ADARB1: variants seen among roughly 807,000 people sequenced by gnomAD.
ADARB1 encodes double-stranded RNA-specific editase 1.
ADARB1 carries 10 observed loss-of-function variants against 52.4 expected under a neutral mutation model. The observed-to-expected ratio is 0.19, with a 90% CI of 0.12 to 0.32. The LOEUF (loss-of-function observed/expected upper bound fraction) is 0.32, where lower values mean the gene tolerates loss of function less well. Ranked by LOEUF, ADARB1 falls within the 10% of genes least tolerant of loss-of-function variation. ADARB1 has a pLI of 1.00. For synonymous variants in ADARB1, 349 were observed against 371.1 expected, an observed-to-expected ratio of 0.94 and a Z score of 0.68; for missense variants, 643 against 922.3, an observed-to-expected ratio of 0.70 and a Z score of 3.92.
rs1226222087 is a variant in ADARB1 at position 45,074,915 on chromosome 21, G to A, written c.-220+122G>A. ...GGGGCCGGAGCTGCGGGCCGTCCCG[G>A]GAGCGGAGGGCGCCCGCGGAGAAGC... On this transcript the variant is annotated intron_variant, in intron 1 of 10. Coordinates refer to ENST00000348831, the MANE Select transcript of ADARB1 (RefSeq NM_001112.4). The A allele has an allele frequency of 4.7e-5, 7 of 150,336 alleles. No individual in the cohort carries two copies. In the East Asian group the frequency reaches 1.2e-3, roughly 26 times the overall value. The allele number at this position is 150,336 out of a possible 1,614,324, so 9.3% of individuals were successfully genotyped here.
intron 1 of ADARB1, among the ~76,000 whole-genome samples, chr21:45,114,346 C>G (rs1486827232): frequency 6.6e-6 from 1 of 152,190 alleles, no homozygotes; most frequent in Non-Finnish European, 1.5e-5. Flanking sequence ...ACATACTTGT[C>G]CACAGAGACC....
chr21:45,185,554 T>TC (rs2092075443), intron 8 of ADARB1, among the ~76,000 whole-genome samples: 3 of 152,162 alleles, frequency 2.0e-5, no homozygotes, highest in Admixed American at 1.3e-4. Context: ...ACAGAGAGCA[T>TC]CCCCAGCCAT....
In ADARB1 at chr21:45,109,960, C is replaced by T. The variant is rs1454622960; in HGVS notation, c.-219-18442C>T. Reference sequence around the variant, plus strand: ...TGGAAAGCCACAAGTAGCGTGGGGGCTGCCTCTAGTCACGCTTCAGCTGCA... The same window carrying T: ...TGGAAAGCCACAAGTAGCGTGGGGGTTGCCTCTAGTCACGCTTCAGCTGCA... On this transcript the variant is annotated intron_variant, in intron 1 of 10. Coordinates refer to ENST00000348831, the MANE Select transcript of ADARB1 (RefSeq NM_001112.4). 2.0e-5 allele frequency among the ~76,000 whole-genome samples: 3 copies of T among 152,208 alleles called. No homozygotes were observed. The East Asian group carries it at 5.8e-4, about 29-fold the overall frequency.
chr21:45,139,065 C>T (rs891740275), intron 2 of ADARB1, among the ~76,000 whole-genome samples: 7 of 152,112 alleles, frequency 4.6e-5, no homozygotes, highest in African/African-American at 1.2e-4. Flanking sequence ...AGACTACAGG[C>T]GCATGCCACC....
intron 2 of ADARB1, among the ~76,000 whole-genome samples, chr21:45,159,291 A>C (rs920799366): frequency 2.6e-5 from 4 of 152,162 alleles, no homozygotes; most frequent in African/African-American, 9.7e-5. Flanking sequence ...AAAAAGTCAG[A>C]TCTCATGAGA....
At position 45,142,841 on chromosome 21, in the gene ADARB1, G is replaced by C. The variant is rs973738884; in HGVS notation, c.-48+14268G>C. On this transcript the variant is annotated intron_variant, in intron 2 of 10. Coordinates refer to ENST00000348831, the MANE Select transcript of ADARB1 (RefSeq NM_001112.4). The surrounding 1 kb of genome is among the most constrained non-coding windows in gnomAD (Gnocchi z 4.0). ...GGTAAGAAATTGCCTACGGCCCTTG[G>C]CTAATAGAAGAGGGAGCAGGGCTTT... is the stretch of plus-strand genomic sequence containing the variant. Among the ~76,000 whole-genome samples, 1 of 152,194 alleles carries C rather than the reference G, an allele frequency of 6.6e-6. No homozygotes were observed. The highest frequency in any genetic ancestry group is 2.4e-5 in the African/African-American group (1 of 41,444).
At chr21:45,133,160 T>G (rs1174587430) in intron 2 of ADARB1, among the ~76,000 whole-genome samples, 1 of 152,258 alleles carries the variant, frequency 6.6e-6, no homozygotes, top group Admixed American at 6.5e-5. Context: ...CCCCTGATTC[T>G]GTTCCTTGAA....
intron 3 of ADARB1, among the ~76,000 whole-genome samples, chr21:45,174,682 A>AATACATACATAC (rs59024130): frequency 4.9e-4 from 73 of 148,832 alleles, no homozygotes; most frequent in Middle Eastern, 3.4e-3. Flanking sequence ...CAGTCTCAAA[A>AATACATACATAC]ATACATACAT....
chr21:45,217,971 C>T (rs962443600), intron 9 of ADARB1, among the ~76,000 whole-genome samples: 1 of 152,076 alleles, frequency 6.6e-6, no homozygotes, highest in Non-Finnish European at 1.5e-5. Context: ...TCTGGGTTTG[C>T]TTAAGATTTT....
chr21:45,109,174 C>T (rs766263996), intron 1 of ADARB1, among the ~76,000 whole-genome samples: 62 of 147,586 alleles, frequency 4.2e-4, no homozygotes, highest in Admixed American at 1.6e-3. Flanking sequence ...TGTGTGTGCG[C>T]GCGTGTGCGT....
At chr21:45,136,916 G>A (rs2145874529) in intron 2 of ADARB1, among the ~76,000 whole-genome samples, 1 of 152,366 alleles carries the variant, frequency 6.6e-6, no homozygotes. Flanking sequence ...AAATTCCTAA[G>A]AAGTGGTTGG....
intron 2 of ADARB1, among the ~76,000 whole-genome samples, chr21:45,151,526 T>G (rs150963476): frequency 2.2e-4 from 34 of 152,282 alleles, no homozygotes; most frequent in Admixed American, 5.2e-4. Flanking sequence ...TATGAGTGCT[T>G]CTTCTGCTTG....
chr21:45,116,059 G>A (rs777682457), intron 1 of ADARB1, among the ~76,000 whole-genome samples: 7 of 152,210 alleles, frequency 4.6e-5, no homozygotes, highest in Non-Finnish European at 1.0e-4. Context: ...TTTGTGCAAG[G>A]TTGGGTCATC....
At chr21:45,158,244 G>A (rs1021565850) in intron 2 of ADARB1, among the ~76,000 whole-genome samples, 4 of 152,178 alleles carry the variant, frequency 2.6e-5, no homozygotes, top group Non-Finnish European at 5.9e-5. Context: ...GGGTTGGGGC[G>A]GGAGGGGGGA....
intron 2 of ADARB1, among the ~76,000 whole-genome samples, chr21:45,154,016 A>G (rs1426180578): frequency 6.6e-6 from 1 of 152,216 alleles, no homozygotes; most frequent in Non-Finnish European, 1.5e-5. Flanking sequence ...TCCCATGGAC[A>G]CTCATCACTA....
At chr21:45,081,840 A>G (rs1341712363) in intron 1 of ADARB1, among the ~76,000 whole-genome samples, 1 of 152,164 alleles carries the variant, frequency 6.6e-6, no homozygotes, top group Non-Finnish European at 1.5e-5. Context: ...TGCTTATTAG[A>G]GTGGCCAGGA....
At chr21:45,133,919 T>G (rs1212843737) in intron 2 of ADARB1, among the ~76,000 whole-genome samples, 1 of 71,314 alleles carries the variant, frequency 1.4e-5, no homozygotes. Context: ...TGCCCGACAG[T>G]GGTGTGTGCG....
chr21:45,143,104 C>T lies in ADARB1; in HGVS notation c.-48+14531C>T, dbSNP rs142628063. ...TGTGTAGTGATTGGCAGGTGGCCAT[C>T]GCTCAGCCGACTTTTCCTGTGCCCT... is the stretch of plus-strand genomic sequence containing the variant. On this transcript the variant is annotated intron_variant, in intron 2 of 10. Coordinates refer to ENST00000348831, the MANE Select transcript of ADARB1 (RefSeq NM_001112.4). Among the ~76,000 whole-genome samples, 1,173 of 152,306 alleles carry T rather than the reference C, an allele frequency of 7.7e-3. 11 individuals are homozygous for T. Among genetic ancestry groups the T allele is most frequent in the Admixed American group, 0.012 (181 of 15,306 alleles).
chr21:45,150,735 C>T (rs1283488459), intron 2 of ADARB1, among the ~76,000 whole-genome samples: 1 of 152,120 alleles, frequency 6.6e-6, no homozygotes, highest in Admixed American at 6.5e-5. Flanking sequence ...GCCTGGCGGT[C>T]GGGCCTGATG....
Sources: allele counts gnomAD v4.1 joint callset (sites outside exome capture counted in the v4.1 genomes callset), GRCh38; gene constraint gnomAD v4.1.1; non-coding constraint Gnocchi (gnomAD v3.1); transcripts MANE v1.5; gene names NCBI Gene and HGNC (gene_info 2026-07-23, HGNC 2026-07-21).